Variants in RAB27B observed in about 807,000 individuals in gnomAD.
RAB27B encodes the protein RAB27B, member RAS oncogene family, also known as ras-related protein Rab-27B.
RAB27B carries 15 observed loss-of-function variants against 24.6 expected under a neutral mutation model. That is an observed-to-expected ratio of 0.61 (90% CI 0.41 to 0.94). RAB27B has a LOEUF of 0.94. Among genes scored for constraint, RAB27B ranks in the 40% least tolerant of loss-of-function variants. The pLI is 0.00. For synonymous variants in RAB27B, 105 were observed against 92.5 expected, an observed-to-expected ratio of 1.14 and a Z score of -0.78; for missense variants, 261 against 266.8, an observed-to-expected ratio of 0.98 and a Z score of 0.15.
At chr18:54,774,614 T>C (rs949562553) in intron 2 of RAB27B, among the ~76,000 whole-genome samples, 1 of 152,260 alleles carries the variant, frequency 6.6e-6, no homozygotes, top group African/African-American at 2.4e-5. Context: ...TATTGCATTT[T>C]AGAGAGATAG....
chr18:54,817,721 C>T lies in RAB27B; in HGVS notation c.-19-59846C>T, dbSNP rs182561621. Reference sequence around the variant, plus strand: ...CATTCTTGAAGACCCATCCCATCCACCTTCTACACAGTCAGTGTAGTGAAC... The same window carrying T: ...CATTCTTGAAGACCCATCCCATCCATCTTCTACACAGTCAGTGTAGTGAAC... On this transcript the variant is annotated intron_variant, in intron 2 of 4. Coordinates refer to the RAB27B transcript ENST00000586570. Among the ~76,000 whole-genome samples the T allele has an allele frequency of 3.3e-4, 50 of 151,900 alleles. No individual in the cohort carries two copies. The East Asian group carries it at 9.4e-3, about 29-fold the overall frequency.
intron 2 of RAB27B, among the ~76,000 whole-genome samples, chr18:54,794,167 A>G (rs1467301233): frequency 2.0e-5 from 3 of 152,234 alleles, no homozygotes; most frequent in Non-Finnish European, 2.9e-5. Flanking sequence ...TTATAAAACT[A>G]GTACTTCAAT....
Position 54,890,287 on chromosome 18 carries a change from G to A in RAB27B, c.*874G>A, listed in dbSNP as rs1212466975. The A allele has an allele frequency of 6.6e-6, 1 of 152,070 alleles. No homozygotes were observed. Among genetic ancestry groups the A allele is most frequent in the Non-Finnish European group, 1.5e-5 (1 of 67,988 alleles). 9.4% of individuals were successfully genotyped at this position (152,070 alleles called of 1,614,324 possible). A position where few individuals can be genotyped will look rare whatever the true frequency, so the allele number is the denominator to read the frequency against. ...CATTTCAAACAAAATTTTAGAAATT[G>A]GTTTGGTGTTCAGCTTCACATTTCA... On this transcript the variant is annotated 3_prime_UTR_variant, in exon 6 of 6. Transcript: ENST00000262094.
intron 2 of RAB27B, among the ~76,000 whole-genome samples, chr18:54,820,978 C>A (rs762821663): frequency 5.3e-5 from 8 of 152,050 alleles, no homozygotes; most frequent in Non-Finnish European, 1.0e-4. Flanking sequence ...TGGTCTATAT[C>A]TCTGTTTTGG....
chr18:54,872,993 G>T (rs967038758), intron 1 of RAB27B, among the ~76,000 whole-genome samples: 1 of 152,204 alleles, frequency 6.6e-6, no homozygotes, highest in Admixed American at 6.5e-5. Flanking sequence ...GTGGGGAAGA[G>T]TGAATCCATG....
chr18:54,831,215 A>T (rs532638384), intron 1 of RAB27B, among the ~76,000 whole-genome samples: 1 of 152,312 alleles, frequency 6.6e-6, no homozygotes, highest in Non-Finnish European at 1.5e-5. Context: ...AGCCTCACTG[A>T]GATGATATTT....
intron 1 of RAB27B, among the ~76,000 whole-genome samples, chr18:54,859,486 C>CA (rs200377089): frequency 0.059 from 8,259 of 141,066 alleles, 393 homozygotes; most frequent in African/African-American, 0.13. Context: ...TTCAATTAAC[C>CA]AAAAAAAAAA....
chr18:54,887,658 C>T (rs1217936351), intron 4 of RAB27B, among the ~76,000 whole-genome samples: 1 of 151,762 alleles, frequency 6.6e-6, no homozygotes, highest in Admixed American at 6.6e-5. Flanking sequence ...TAAGCAAGAA[C>T]AGCGCATGGA....
chr18:54,805,519 G>A (rs1294468425), intron 2 of RAB27B, among the ~76,000 whole-genome samples: 1 of 152,122 alleles, frequency 6.6e-6, no homozygotes, highest in East Asian at 1.9e-4. Context: ...AATAAATGGT[G>A]GTAATTTTCT....
chr18:54,786,187 G>T (rs928271029), intron 2 of RAB27B, among the ~76,000 whole-genome samples: 21 of 152,080 alleles, frequency 1.4e-4, no homozygotes, highest in African/African-American at 4.8e-4. Flanking sequence ...TCTGAGAAAG[G>T]ATGTCCTTTC....
At chr18:54,785,394 A>G (rs1909050718) in intron 2 of RAB27B, among the ~76,000 whole-genome samples, 2 of 144,200 alleles carry the variant, frequency 1.4e-5, no homozygotes, top group African/African-American at 5.1e-5. Context: ...CAGCCACTGA[A>G]CCCGGCCCTG....
At chr18:54,846,953 C>T (rs970185102) in intron 1 of RAB27B, among the ~76,000 whole-genome samples, 1 of 152,058 alleles carries the variant, frequency 6.6e-6, no homozygotes, top group Non-Finnish European at 1.5e-5. Flanking sequence ...TGGGTTCGAG[C>T]GATTCTCCTG....
At chr18:54,884,475 A>C (rs1350604750) in intron 4 of RAB27B, 39 bp downstream of exon 4, 26 of 1,351,218 alleles carry the variant, frequency 1.9e-5, no homozygotes, top group Non-Finnish European at 2.6e-5. Flanking sequence ...CCGCTTTGGG[A>C]CTCAACTGCC....
chr18:54,788,569 C>T (rs1464620569), intron 2 of RAB27B, among the ~76,000 whole-genome samples: 2 of 152,234 alleles, frequency 1.3e-5, no homozygotes, highest in African/African-American at 4.8e-5. Context: ...TCCCAAAGTG[C>T]TGTGATTACA....
rs921683606 is a variant in RAB27B, at chr18:54,755,057, T to A, written c.-20+36916T>A. Among the ~76,000 whole-genome samples the A allele has an allele frequency of 2.6e-5, 4 of 152,180 alleles. 1 individual carries two copies. The highest frequency in any genetic ancestry group is 1.9e-4 in the East Asian group (1 of 5,188). On this transcript the variant is annotated intron_variant, in intron 2 of 4. Coordinates refer to the RAB27B transcript ENST00000586570. The stretch of plus-strand genomic sequence containing the variant: ...TTTCAGAACACAGCATATTGCTCTG[T>A]TGGCACTTTGGAAATGCTTGCTTAC...
intron 2 of RAB27B, among the ~76,000 whole-genome samples, chr18:54,732,247 A>G (rs988214125): frequency 1.3e-5 from 2 of 152,236 alleles, no homozygotes; most frequent in Admixed American, 1.3e-4. Flanking sequence ...GGATCATGAT[A>G]GTTGATATCA....
chr18:54,819,282 G>A (rs1598928584), intron 2 of RAB27B, among the ~76,000 whole-genome samples: 1 of 147,054 alleles, frequency 6.8e-6, no homozygotes, highest in South Asian at 2.1e-4. Context: ...ACTTATTTTA[G>A]TATACTATTA....
intron 2 of RAB27B, among the ~76,000 whole-genome samples, chr18:54,809,032 A>T (rs751765087): frequency 2.6e-5 from 4 of 152,198 alleles, no homozygotes; most frequent in African/African-American, 4.8e-5. Context: ...TACATGATCA[A>T]TTCTTTGGTT....
intron 1 of RAB27B, among the ~76,000 whole-genome samples, chr18:54,867,890 C>T (rs1462367214): frequency 1.3e-5 from 2 of 152,296 alleles, no homozygotes; most frequent in African/African-American, 2.4e-5. Context: ...CACCTCAAAC[C>T]TCAGTAGTGC....
Sources: gnomAD v4.1 joint callset for allele counts (sites outside exome capture counted in the v4.1 genomes callset) on GRCh38, gnomAD v4.1.1 for gene constraint, MANE v1.5 for transcripts, NCBI Gene and HGNC (gene_info 2026-07-23, HGNC 2026-07-21) for gene names.